The following ATP2C2 variants were observed in gnomAD, a reference collection of about 807,000 sequenced individuals.
ATP2C2 encodes ATPase secretory pathway Ca2+ transporting 2, also known as calcium-transporting ATPase type 2C member 2.
A neutral mutation model predicts 110.8 loss-of-function variants in ATP2C2; 171 were observed. That is an observed-to-expected ratio of 1.54 (90% CI 1.36 to 1.75). The LOEUF (loss-of-function observed/expected upper bound fraction) is 1.75. Ranked by LOEUF, ATP2C2 falls within the 40% of genes most tolerant of loss-of-function variation. The pLI is 0.00. For missense variants in ATP2C2, 1,963 were observed against 1,235.0 expected, an observed-to-expected ratio of 1.59 and a Z score of -8.84; for synonymous variants, 804 against 508.4, an observed-to-expected ratio of 1.58 and a Z score of -7.82.
chr16:84,401,280 G>A (rs1160780574), intron 2 of ATP2C2, among the ~76,000 whole-genome samples: 2 of 147,266 alleles, frequency 1.4e-5, no homozygotes, highest in Non-Finnish European at 3.0e-5. Context: ...CTGGAGTGCG[G>A]TGGCGCTATC....
chr16:84,385,299 TCA>T (rs1904304181), intron 1 of ATP2C2, among the ~76,000 whole-genome samples: 1 of 152,056 alleles, frequency 6.6e-6, no homozygotes, highest in Admixed American at 6.6e-5. Flanking sequence ...TCACGAGAAC[TCA>T]CATTCGCGAG....
chr16:84,433,523 T>C (rs1295322155), intron 11 of ATP2C2, among the ~76,000 whole-genome samples: 1 of 151,870 alleles, frequency 6.6e-6, no homozygotes, highest in Non-Finnish European at 1.5e-5. Flanking sequence ...CATGGTGGCG[T>C]ATGCCTGTAG....
intron 18 of ATP2C2, among the ~76,000 whole-genome samples, chr16:84,452,656 G>A (rs533273269): frequency 9.2e-5 from 14 of 151,970 alleles, no homozygotes; most frequent in East Asian, 1.9e-4. Flanking sequence ...CCACCACCGC[G>A]CCCAGCTAAT....
intron 15 of ATP2C2, among the ~76,000 whole-genome samples, chr16:84,443,882 A>G (rs1470551501): frequency 2.0e-5 from 3 of 152,192 alleles, no homozygotes; most frequent in African/African-American, 7.2e-5. Flanking sequence ...AACATTGGAA[A>G]GTCATTACAG....
At chr16:84,385,487 C>G (rs1904307046) in intron 1 of ATP2C2, among the ~76,000 whole-genome samples, 1 of 152,140 alleles carries the variant, frequency 6.6e-6, no homozygotes, top group Non-Finnish European at 1.5e-5. Flanking sequence ...TTTAACGTCT[C>G]CTGTAAGGAA....
chr16:84,377,536 T>C (rs924310823), intron 1 of ATP2C2, among the ~76,000 whole-genome samples: 2 of 152,098 alleles, frequency 1.3e-5, no homozygotes, highest in Admixed American at 6.5e-5. Context: ...CTGCCTTCCC[T>C]GTGTCTTCAT....
chr16:84,382,633 C>T (rs1245418437), intron 1 of ATP2C2, among the ~76,000 whole-genome samples: 1 of 152,184 alleles, frequency 6.6e-6, no homozygotes, highest in Non-Finnish European at 1.5e-5. Flanking sequence ...GTGGCTCACA[C>T]CTGTAATCCT....
At chr16:84,391,113 CAAAAAAAA>C (rs567509863) in intron 1 of ATP2C2, among the ~76,000 whole-genome samples, 18 of 73,290 alleles carry the variant, frequency 2.5e-4, no homozygotes, top group East Asian at 2.1e-3. Flanking sequence ...GACTCAGACT[CAAAAAAAA>C]AAAAAAAAAA....
chr16:84,377,008 C>A (rs935299856), intron 1 of ATP2C2, among the ~76,000 whole-genome samples: 1 of 152,186 alleles, frequency 6.6e-6, no homozygotes, highest in Admixed American at 6.5e-5. Flanking sequence ...GCTTCAGAGG[C>A]TAATAATCCC....
At chr16:84,368,857 C>G (rs559901303) in intron 1 of ATP2C2, 143 bp downstream of exon 1, 2 of 727,730 alleles carry the variant, frequency 2.7e-6, no homozygotes, top group Non-Finnish European at 4.4e-6. Context: ...AAGCTGTCCT[C>G]ACAGCAACCG....
chr16:84,410,678 A>G (rs1906200031), intron 5 of ATP2C2, 26 bp from the exon 6 acceptor site: 4 of 1,613,940 alleles, frequency 2.5e-6, no homozygotes, highest in Non-Finnish European at 2.5e-6. Context: ...ACCTTTAAAC[A>G]GCACATCTGA....
Position 84,439,472 on chromosome 16 carries a change from C to T in ATP2C2, c.1157C>T (p.Ala386Val), listed in dbSNP as rs372103955. Residue 386 changes from alanine to valine, a missense_variant, in exon 13 of 27, where the codon GCC becomes GTC. Ala to Val is a moderately conservative substitution (Grantham distance 64, BLOSUM62 0). Transcript: ENST00000262429. Reference protein sequence around the residue: ...LCSDKTGTLTANEMTVTQLVT... With the variant: ...LCSDKTGTLTVNEMTVTQLVT... ...TCTGACAAGACGGGGACTCTGACTGCCAATGAAATGACAGTGACCCAGCTT... is the reference window on the plus strand; with the variant it reads ...TCTGACAAGACGGGGACTCTGACTGTCAATGAAATGACAGTGACCCAGCTT... The T allele has an allele frequency of 6.2e-6, 10 of 1,614,006 alleles. No homozygotes were observed. Among genetic ancestry groups the T allele is most frequent in the African/African-American group, 4.0e-5 (3 of 74,890 alleles).
intron 1 of ATP2C2, among the ~76,000 whole-genome samples, chr16:84,371,116 C>A (rs1222235001): frequency 1.3e-5 from 2 of 152,110 alleles, no homozygotes; most frequent in Non-Finnish European, 2.9e-5. Context: ...ACTGGAGAAT[C>A]AAAGAGTAGA....
intron 16 of ATP2C2, among the ~76,000 whole-genome samples, chr16:84,447,190 A>G (rs902953187): frequency 6.6e-6 from 1 of 152,148 alleles, no homozygotes; most frequent in Admixed American, 6.5e-5. Flanking sequence ...CTGCCCACGC[A>G]GACTGCTCAG....
chr16:84,408,266 A>G, intron 3 of ATP2C2, 139 bp from the exon 4 acceptor site: 6 of 765,824 alleles, frequency 7.8e-6, no homozygotes, highest in Non-Finnish European at 1.3e-5. Context: ...TGGTCTCCCC[A>G]GCCCTCGGTC....
At chr16:84,409,236 G>C (rs1906055183) in intron 4 of ATP2C2, among the ~76,000 whole-genome samples, 1 of 152,144 alleles carries the variant, frequency 6.6e-6, no homozygotes, top group African/African-American at 2.4e-5. Flanking sequence ...ACTCATAGGT[G>C]GGAGTTGAAC....
At chr16:84,452,373 C>T (rs980074488) in intron 18 of ATP2C2, among the ~76,000 whole-genome samples, 4 of 152,176 alleles carry the variant, frequency 2.6e-5, no homozygotes, top group African/African-American at 9.7e-5. Context: ...CAGGCAGCAT[C>T]ATGGCCATGT....
intron 17 of ATP2C2, among the ~76,000 whole-genome samples, chr16:84,449,777 C>T (rs1238949106): frequency 6.6e-6 from 1 of 152,230 alleles, no homozygotes; most frequent in Non-Finnish European, 1.5e-5. Flanking sequence ...GTTGATACGA[C>T]CAAGCCATTC....
chr16:84,387,130 G>C (rs1219904188), intron 1 of ATP2C2, among the ~76,000 whole-genome samples: 1 of 133,584 alleles, frequency 7.5e-6, no homozygotes, highest in African/African-American at 2.8e-5. Flanking sequence ...ACCTGAGACT[G>C]CGATAACCCC....
Sources: allele counts gnomAD v4.1 joint callset (sites outside exome capture counted in the v4.1 genomes callset), GRCh38; gene constraint gnomAD v4.1.1; transcripts MANE v1.5; gene names NCBI Gene and HGNC (gene_info 2026-07-23, HGNC 2026-07-21).